The following COL28A1 variants were observed in gnomAD, a reference collection of about 807,000 sequenced individuals.
COL28A1 encodes the protein collagen alpha-1(XXVIII) chain.
Under a neutral mutation model 150.2 loss-of-function variants are expected in COL28A1, and 161 were observed. That is an observed-to-expected ratio of 1.07 (90% CI 0.94 to 1.22). The LOEUF is 1.22. COL28A1 is among the 50% of genes most tolerant of loss of function. The pLI is 0.00. For missense variants in COL28A1, 1,617 were observed against 1,388.3 expected, an observed-to-expected ratio of 1.16 and a Z score of -2.62; for synonymous variants, 552 against 469.7, an observed-to-expected ratio of 1.18 and a Z score of -2.26.
At chr7:7,495,043 G>A (rs1583501235) in intron 11 of COL28A1, among the ~76,000 whole-genome samples, 2 of 152,214 alleles carry the variant, frequency 1.3e-5, no homozygotes, top group Admixed American at 1.3e-4. Context: ...GCCACTGTCT[G>A]GAGCAGCATG....
At chr7:7,410,526 A>G (rs544427313) in intron 27 of COL28A1, among the ~76,000 whole-genome samples, 1 of 152,268 alleles carries the variant, frequency 6.6e-6, no homozygotes, top group South Asian at 2.1e-4. Context: ...TGGTGCACTC[A>G]AACACATCGT....
chr7:7,376,443 G>A (rs1173822687), intron 30 of COL28A1, among the ~76,000 whole-genome samples: 1 of 152,146 alleles, frequency 6.6e-6, no homozygotes, highest in Non-Finnish European at 1.5e-5. Context: ...TTTTTAAACT[G>A]TAAACTAAGT....
At chr7:7,427,076 A>G (rs529725207) in intron 25 of COL28A1, among the ~76,000 whole-genome samples, 3 of 152,214 alleles carry the variant, frequency 2.0e-5, no homozygotes, top group Non-Finnish European at 2.9e-5. Flanking sequence ...GTACATACTC[A>G]TAAGAAGAGA....
intron 3 of COL28A1, among the ~76,000 whole-genome samples, chr7:7,525,675 T>G (rs1562913846): frequency 6.6e-6 from 1 of 152,214 alleles, no homozygotes; most frequent in Non-Finnish European, 1.5e-5. Context: ...TATTTTTACT[T>G]TATTTCCGTA....
Position 7,404,157 on chromosome 7 carries a change from C to T in COL28A1, c.2136+13702G>A, listed in dbSNP as rs188469942. On this transcript the variant is annotated intron_variant, in intron 27 of 34. Transcript: ENST00000399429. ...ACTGGGCCCATGTGGCAGGGCCAAGCAAATAGAACATGGTTCAGAAATCAG... is the reference window on the plus strand; with the variant it reads ...ACTGGGCCCATGTGGCAGGGCCAAGTAAATAGAACATGGTTCAGAAATCAG... Among the ~76,000 whole-genome samples, 5 of 151,922 alleles carry T rather than the reference C, an allele frequency of 3.3e-5. No homozygotes were observed. In the East Asian group the frequency reaches 9.7e-4, roughly 29 times the overall value.
Position 7,443,636 on chromosome 7 carries a change from C to G in COL28A1, c.1599G>C (p.Pro533=), listed in dbSNP as rs562367478. 1 of 1,614,058 alleles carries G rather than the reference C, an allele frequency of 6.2e-7. No individual in the cohort carries two copies. Among genetic ancestry groups the G allele is most frequent in the Non-Finnish European group, 8.5e-7 (1 of 1,179,992 alleles). ...AAGKKGEAGL[P]GARGPEGPPG... ...GTGGTCCTTCTGGGCCTCTTGCTCC[C>G]GGAAGCCCCGCTTCTCCCTAGAGAA... Residue 533 remains proline, a synonymous_variant, in exon 20 of 35, where the codon CCG becomes CCC. Coordinates refer to ENST00000399429, the MANE Select transcript of COL28A1 (RefSeq NM_001037763.3).
At chr7:7,351,737 A>C (rs1241216102), downstream of COL28A1, among the ~76,000 whole-genome samples, 1 of 152,118 alleles carries the variant, frequency 6.6e-6, no homozygotes, top group African/African-American at 2.4e-5. Flanking sequence ...AATTAAAAAA[A>C]CAAAATGTCA....
chr7:7,521,158 T>G (rs541319569), intron 5 of COL28A1, among the ~76,000 whole-genome samples: 6 of 152,308 alleles, frequency 3.9e-5, no homozygotes, highest in Admixed American at 1.3e-4. Flanking sequence ...AGGATGATAT[T>G]TGGAATTATA....
intron 27 of COL28A1, among the ~76,000 whole-genome samples, chr7:7,384,151 A>G (rs1410449873): frequency 6.6e-6 from 1 of 152,192 alleles, no homozygotes. Flanking sequence ...CAGGGGTGAG[A>G]TTACAGAGAA....
rs368544777 is a variant in COL28A1 at position 7,486,971 on chromosome 7, C to T, written c.1164+2418G>A. On this transcript the variant is annotated intron_variant, in intron 13 of 34. Coordinates refer to ENST00000399429, the MANE Select transcript of COL28A1 (RefSeq NM_001037763.3). Reference sequence around the variant, plus strand: ...TGGCCTCATAAATTAAGTTGATAAACGTTTCTTCCTCTTCTATTGTCTGAA... The same window carrying T: ...TGGCCTCATAAATTAAGTTGATAAATGTTTCTTCCTCTTCTATTGTCTGAA... Among the ~76,000 whole-genome samples, 9 of 152,012 alleles carry T rather than the reference C, an allele frequency of 5.9e-5. No homozygotes were observed. The South Asian group carries it at 6.2e-4, about 11-fold the overall frequency.
chr7:7,483,522 T>A (rs1259698801), intron 13 of COL28A1, among the ~76,000 whole-genome samples: 1 of 152,164 alleles, frequency 6.6e-6, no homozygotes, highest in Non-Finnish European at 1.5e-5. Context: ...AAGTGGTTCA[T>A]GAACACCTTA....
At chr7:7,424,021 T>C (rs1224023092) in intron 25 of COL28A1, among the ~76,000 whole-genome samples, 1 of 152,234 alleles carries the variant, frequency 6.6e-6, no homozygotes, top group Non-Finnish European at 1.5e-5. Context: ...TCCTTATCCA[T>C]ATAATTGTTG....
intron 9 of COL28A1, among the ~76,000 whole-genome samples, chr7:7,507,779 T>C (rs973930025): frequency 6.6e-6 from 1 of 152,074 alleles, no homozygotes; most frequent in Non-Finnish European, 1.5e-5. Context: ...TATAGAAACA[T>C]ATAAATAAAC....
intron 27 of COL28A1, among the ~76,000 whole-genome samples, chr7:7,397,481 TG>T (rs1420472265): frequency 6.6e-6 from 1 of 152,186 alleles, no homozygotes; most frequent in Non-Finnish European, 1.5e-5. Flanking sequence ...CTTACCACGG[TG>T]GCTTTTGCTC....
At chr7:7,340,542 G>A in the COL28A1 span, among the ~76,000 whole-genome samples, 1 of 152,084 alleles carries the variant, frequency 6.6e-6, no homozygotes, top group Non-Finnish European at 1.5e-5. Context: ...TCTTAGCAGG[G>A]AATGATGCGG....
At chr7:7,537,276 C>A (rs1270481418), upstream of COL28A1, among the ~76,000 whole-genome samples, 3 of 152,100 alleles carry the variant, frequency 2.0e-5, no homozygotes, top group South Asian at 2.1e-4. Flanking sequence ...AGACAGGCAC[C>A]ATGTAGACAC....
chr7:7,454,497 T>C (rs1261614375), intron 16 of COL28A1, among the ~76,000 whole-genome samples: 1 of 152,202 alleles, frequency 6.6e-6, no homozygotes, highest in African/African-American at 2.4e-5. Flanking sequence ...GAAATTTTTT[T>C]TTCTTTACAA....
At chr7:7,481,569 T>C (rs985581837) in intron 13 of COL28A1, among the ~76,000 whole-genome samples, 2 of 152,230 alleles carry the variant, frequency 1.3e-5, no homozygotes, top group African/African-American at 4.8e-5. Context: ...ACATACTTAC[T>C]TGGCTTCTAA....
At chr7:7,515,967 A>G in intron 7 of COL28A1, 127 bp from the exon 8 acceptor site, 1 of 597,544 alleles carries the variant, frequency 1.7e-6, no homozygotes, top group Admixed American at 3.1e-5. Context: ...ATTAGATCAT[A>G]GAAATGTAAA....
Sources: gnomAD v4.1 joint callset for allele counts (sites outside exome capture counted in the v4.1 genomes callset) on GRCh38, gnomAD v4.1.1 for gene constraint, MANE v1.5 for transcripts, NCBI Gene and HGNC (gene_info 2026-07-23, HGNC 2026-07-21) for gene names.